SLC35D4: variants seen among roughly 807,000 people sequenced by gnomAD.
The protein encoded by SLC35D4 is UDP-N-acetylglucosamine transporter SLC35D4.
the SLC35D4 span, among the ~76,000 whole-genome samples, chr18:23,423,531 T>A: frequency 6.6e-6 from 1 of 152,238 alleles, no homozygotes; most frequent in Non-Finnish European, 1.5e-5. Flanking sequence ...CAGTCCCCGC[T>A]GCAAAGAATT....
chr18:23,409,657 G>A, the SLC35D4 span, among the ~76,000 whole-genome samples: 35 of 152,210 alleles, frequency 2.3e-4, no homozygotes, highest in African/African-American at 8.2e-4. Flanking sequence ...CCTGGCCAAT[G>A]TATAGTAAAA....
At chr18:23,275,068 TTGTGTGTG>T in the SLC35D4 span, among the ~76,000 whole-genome samples, 3 of 128,458 alleles carry the variant, frequency 2.3e-5, no homozygotes, top group African/African-American at 9.3e-5. Flanking sequence ...GTAGGTGTGC[TTGTGTGTG>T]TGTGTGCTTG....
chr18:23,244,106 T>G, the SLC35D4 span, among the ~76,000 whole-genome samples: 2 of 152,254 alleles, frequency 1.3e-5, no homozygotes, highest in African/African-American at 4.8e-5. Context: ...CATTCTCTAC[T>G]GCCACTGTTT....
At chr18:23,368,657 G>C in the SLC35D4 span, 2 of 1,088,096 alleles carry the variant, frequency 1.8e-6, no homozygotes, top group South Asian at 2.9e-5. Flanking sequence ...AATATTATTG[G>C]AAAATAAAAA....
At chr18:23,333,646 C>G in the SLC35D4 span, among the ~76,000 whole-genome samples, 1 of 152,160 alleles carries the variant, frequency 6.6e-6, no homozygotes, top group African/African-American at 2.4e-5. Flanking sequence ...TACCAGAACA[C>G]CCCTACTCCC....
chr18:23,273,163 G>T, the SLC35D4 span, among the ~76,000 whole-genome samples: 9 of 152,156 alleles, frequency 5.9e-5, no homozygotes, highest in African/African-American at 2.2e-4. Context: ...ACTTGAGGGT[G>T]TTTCAAACCA....
the SLC35D4 span, among the ~76,000 whole-genome samples, chr18:23,307,910 C>T: frequency 3.9e-5 from 6 of 152,344 alleles, no homozygotes; most frequent in African/African-American, 1.4e-4. Context: ...ATCTGCCCTG[C>T]TCAGCCATCC....
the SLC35D4 span, among the ~76,000 whole-genome samples, chr18:23,274,291 A>T: frequency 6.6e-6 from 1 of 152,362 alleles, no homozygotes; most frequent in East Asian, 1.9e-4. Flanking sequence ...ATTCACCTCC[A>T]GCCCAGAACC....
chr18:23,275,055 TG>T, the SLC35D4 span, among the ~76,000 whole-genome samples: 1 of 74,892 alleles, frequency 1.3e-5, no homozygotes, highest in South Asian at 4.7e-4. Context: ...TGAGTGTGTT[TG>T]TGTAGGTGTG....
the SLC35D4 span, among the ~76,000 whole-genome samples, chr18:23,398,237 C>T: frequency 6.6e-6 from 1 of 152,258 alleles, no homozygotes. Flanking sequence ...AAGGAAATCA[C>T]TCTGGAAGCC....
chr18:23,245,081 C>T, the SLC35D4 span, among the ~76,000 whole-genome samples: 6 of 152,210 alleles, frequency 3.9e-5, no homozygotes, highest in South Asian at 4.1e-4. Flanking sequence ...CATCCCCTCC[C>T]GTTATACCCC....
chr18:23,426,879 T>A, the SLC35D4 span, among the ~76,000 whole-genome samples: 1 of 152,038 alleles, frequency 6.6e-6, no homozygotes, highest in Non-Finnish European at 1.5e-5. Context: ...CTACAACCAT[T>A]TGATCTTTGA....
the SLC35D4 span, among the ~76,000 whole-genome samples, chr18:23,341,974 G>C: frequency 7.3e-6 from 1 of 136,870 alleles, no homozygotes; most frequent in African/African-American, 2.8e-5. Context: ...TTGTCAAATA[G>C]GTAAACTCAT....
chr18:23,433,003 T>C, the SLC35D4 span, among the ~76,000 whole-genome samples: 4 of 145,186 alleles, frequency 2.8e-5, no homozygotes, highest in African/African-American at 5.1e-5. Context: ...AAAAAAAAAA[T>C]TGGAGCCATT....
At chr18:23,365,695 A>G in the SLC35D4 span, 1 of 1,611,862 alleles carries the variant, frequency 6.2e-7, no homozygotes, top group Non-Finnish European at 8.5e-7. Context: ...AAAGTAGTCA[A>G]GAAGTTTCCC....
chr18:23,368,275 G>A, the SLC35D4 span, among the ~76,000 whole-genome samples: 18 of 152,172 alleles, frequency 1.2e-4, no homozygotes, highest in African/African-American at 1.7e-4. Context: ...GGACACCTGA[G>A]TCTGCAAGGT....
chr18:23,419,281 ATTTC>A, the SLC35D4 span, among the ~76,000 whole-genome samples: 1 of 151,750 alleles, frequency 6.6e-6, no homozygotes, highest in Non-Finnish European at 1.5e-5. Context: ...GGTCTTTAAA[ATTTC>A]TTTTTTTTCT....
the SLC35D4 span, among the ~76,000 whole-genome samples, chr18:23,277,521 G>C: frequency 6.6e-6 from 1 of 152,164 alleles, no homozygotes; most frequent in African/African-American, 2.4e-5. Context: ...CCTTGGCTGG[G>C]AGGACTTAGC....
At chr18:23,421,843 A>T in the SLC35D4 span, among the ~76,000 whole-genome samples, 734 of 151,354 alleles carry the variant, frequency 4.8e-3, 5 homozygotes, top group Non-Finnish European at 5.8e-3. Flanking sequence ...TGCCTGGCTA[A>T]TTTTTTTGTA....
Sources: gnomAD v4.1 joint callset for allele counts (sites outside exome capture counted in the v4.1 genomes callset) on GRCh38, gnomAD v4.1.1 for gene constraint, MANE v1.5 for transcripts, NCBI Gene and HGNC (gene_info 2026-07-23, HGNC 2026-07-21) for gene names.